Variants in USP15 observed in about 807,000 individuals in gnomAD.
USP15 encodes the protein ubiquitin specific peptidase 15.
USP15 carries 18 observed loss-of-function variants against 127.1 expected under a neutral mutation model. The observed-to-expected ratio is 0.14, with a 90% CI of 0.10 to 0.21. The LOEUF is 0.21. Ranked by LOEUF, USP15 falls within the 10% of genes least tolerant of loss-of-function variation. The pLI, the probability that USP15 is intolerant of heterozygous loss-of-function variation, is 1.00. For missense variants in USP15, 805 were observed against 1,159.9 expected (o/e 0.69, Z 4.44); for synonymous variants, 364 against 393.7 (o/e 0.92, Z 0.89).
At chr12:62,261,512 G>A (rs1465965890) in intron 1 of USP15, among the ~76,000 whole-genome samples, 4 of 152,104 alleles carry the variant, frequency 2.6e-5, no homozygotes, top group African/African-American at 9.7e-5. Context: ...ATAGTGAAAG[G>A]AACAGTAAGA....
chr12:62,386,518 G>T (rs932090181), intron 11 of USP15, among the ~76,000 whole-genome samples: 1 of 152,024 alleles, frequency 6.6e-6, no homozygotes, highest in Non-Finnish European at 1.5e-5. Flanking sequence ...TGGTTATGAG[G>T]CCTGTGATAA....
chr12:62,398,910 T>G (rs1375366506), intron 20 of USP15, among the ~76,000 whole-genome samples: 1 of 152,202 alleles, frequency 6.6e-6, no homozygotes, highest in African/African-American at 2.4e-5. Context: ...GTTTTATTAG[T>G]TGTTATTAAT....
At chr12:62,321,643 TG>T (rs2064985987) in intron 5 of USP15, 34 bp downstream of exon 5, 1 of 1,457,068 alleles carries the variant, frequency 6.9e-7, no homozygotes, top group Admixed American at 2.5e-5. Context: ...GTATTATACA[TG>T]AAGGTTTTTG....
intron 20 of USP15, among the ~76,000 whole-genome samples, chr12:62,399,594 C>A (rs551984455): frequency 6.6e-6 from 1 of 152,254 alleles, no homozygotes; most frequent in African/African-American, 2.4e-5. Context: ...CACAAATATT[C>A]TTGAGTTCAT....
intron 17 of USP15, 59 bp downstream of exon 17, chr12:62,391,945 G>C: frequency 2.1e-6 from 3 of 1,409,142 alleles, no homozygotes; most frequent in Non-Finnish European, 2.9e-6. Context: ...GTGATTACCA[G>C]AGATAATCAT....
chr12:62,395,799 A>G (rs76491723), intron 19 of USP15, among the ~76,000 whole-genome samples: 3,338 of 151,798 alleles, frequency 0.022, 124 homozygotes, highest in African/African-American at 0.075. Flanking sequence ...CTCCAGTTCC[A>G]TCCATGTTGT....
intron 2 of USP15, among the ~76,000 whole-genome samples, chr12:62,298,090 TATCTA>T (rs2064189149): frequency 1.3e-5 from 2 of 152,178 alleles, no homozygotes; most frequent in Admixed American, 1.3e-4. Context: ...CATTTGAAAT[TATCTA>T]ATCAGAGGAT....
At chr12:62,289,676 G>A (rs2063896401) in intron 1 of USP15, among the ~76,000 whole-genome samples, 1 of 145,562 alleles carries the variant, frequency 6.9e-6, no homozygotes, top group African/African-American at 2.6e-5. Context: ...GTTTCATTGG[G>A]TGTGACATTA....
chr12:62,383,492 C>G (rs1294747466), intron 9 of USP15, among the ~76,000 whole-genome samples: 1 of 151,760 alleles, frequency 6.6e-6, no homozygotes, highest in African/African-American at 2.4e-5. Flanking sequence ...CATTTAGTGA[C>G]CATTTTAAAC....
At chr12:62,289,622 A>C (rs1313877700) in intron 1 of USP15, among the ~76,000 whole-genome samples, 2 of 144,256 alleles carry the variant, frequency 1.4e-5, no homozygotes, top group African/African-American at 5.2e-5. Flanking sequence ...TCTGATCTTT[A>C]TGTCTTTTCT....
intron 8 of USP15, among the ~76,000 whole-genome samples, chr12:62,380,899 A>T (rs761107905): frequency 2.0e-5 from 3 of 151,382 alleles, no homozygotes; most frequent in Admixed American, 1.3e-4. Context: ...TGTATCGTTT[A>T]TGAAATTAAA....
At chr12:62,268,240 A>G (rs182152609) in intron 1 of USP15, among the ~76,000 whole-genome samples, 280 of 152,246 alleles carry the variant, frequency 1.8e-3, no homozygotes, top group Non-Finnish European at 3.3e-3. Flanking sequence ...GTATATGGTC[A>G]TAACACTTAG....
At chr12:62,261,305 G>A (rs2063048412) in intron 1 of USP15, among the ~76,000 whole-genome samples, 2 of 152,192 alleles carry the variant, frequency 1.3e-5, no homozygotes, top group South Asian at 4.1e-4. Flanking sequence ...ACTGAAGGAT[G>A]TATGTGGACA....
At chr12:62,385,845 G>C (rs78455819) in intron 11 of USP15, among the ~76,000 whole-genome samples, 6 of 151,934 alleles carry the variant, frequency 3.9e-5, no homozygotes, top group Non-Finnish European at 8.8e-5. Flanking sequence ...GCAAGAGAGC[G>C]TAGAATAATA....
intron 4 of USP15, among the ~76,000 whole-genome samples, chr12:62,320,906 T>G (rs897447683): frequency 6.6e-6 from 1 of 152,168 alleles, no homozygotes; most frequent in African/African-American, 2.4e-5. Context: ...TAAATTGATT[T>G]AGAAATCAGA....
At chr12:62,350,583 CAGTCTT>C (rs1285652356) in intron 7 of USP15, among the ~76,000 whole-genome samples, 1 of 152,078 alleles carries the variant, frequency 6.6e-6, no homozygotes, top group Non-Finnish European at 1.5e-5. Flanking sequence ...TTTTCTAAGA[CAGTCTT>C]AGAAACACTG....
chr12:62,311,838 T>G (rs1345905967), intron 3 of USP15, among the ~76,000 whole-genome samples: 1 of 151,826 alleles, frequency 6.6e-6, no homozygotes, highest in East Asian at 1.9e-4. Flanking sequence ...ATTTGGATCC[T>G]GATTCAAACA....
rs549149708 is a variant in USP15, at chr12:62,325,063, C to T, written c.622-809C>T. 2.3e-4 allele frequency among the ~76,000 whole-genome samples: 35 copies of T among 151,976 alleles called. 1 individual carries two copies. In the South Asian group the frequency reaches 4.4e-3, roughly 19 times the overall value. On this transcript the variant is annotated intron_variant, in intron 5 of 21. Transcript: ENST00000280377. ...GATTTTAACTTTTTATTGGTATTATCGTATATTTCCTTTGCTAATTTAATT... is the reference window on the plus strand; with the variant it reads ...GATTTTAACTTTTTATTGGTATTATTGTATATTTCCTTTGCTAATTTAATT...
rs760626402 is a variant in USP15 at position 62,389,777 on chromosome 12, G to A, written c.1653-20G>A. ...GTAACATAAAATTTTGAGAGTTTAT[G>A]GTCAGTTTTGTCCTTGTAGGTTTGA... On this transcript the variant is annotated intron_variant, in intron 13 of 21. Transcript: ENST00000280377. The A allele has an allele frequency of 1.2e-6, 2 of 1,603,286 alleles. No individual in the cohort carries two copies. Among genetic ancestry groups the A allele is most frequent in the Non-Finnish European group, 1.7e-6 (2 of 1,173,960 alleles).
Sources: gnomAD v4.1 joint callset for allele counts (sites outside exome capture counted in the v4.1 genomes callset) on GRCh38, gnomAD v4.1.1 for gene constraint, MANE v1.5 for transcripts, NCBI Gene and HGNC (gene_info 2026-07-23, HGNC 2026-07-21) for gene names.